Variants in SLC13A3 observed in about 807,000 individuals in gnomAD.
The protein encoded by SLC13A3 is solute carrier family 13 member 3.
A neutral mutation model predicts 59.0 loss-of-function variants in SLC13A3; 40 were observed. The ratio of observed to expected loss-of-function variants is 0.68; its 90% confidence interval spans 0.53 to 0.88. The LOEUF is 0.88. SLC13A3 is among the 40% of genes least tolerant of loss of function. SLC13A3 has a pLI of 0.00. For synonymous variants in SLC13A3, 317 were observed against 330.3 expected, an observed-to-expected ratio of 0.96 and a Z score of 0.44; for missense variants, 699 against 783.2, an observed-to-expected ratio of 0.89 and a Z score of 1.28.
At chr20:46,648,406 G>C (rs529500158) in intron 1 of SLC13A3, among the ~76,000 whole-genome samples, 1 of 152,276 alleles carries the variant, frequency 6.6e-6, no homozygotes, top group South Asian at 2.1e-4. Flanking sequence ...TTATATGGGA[G>C]AGGAGGCTTC....
intron 10 of SLC13A3, among the ~76,000 whole-genome samples, chr20:46,571,127 C>T (rs544101524): frequency 1.1e-4 from 16 of 152,270 alleles, no homozygotes; most frequent in African/African-American, 3.9e-4. Context: ...CTCTTGAGAA[C>T]TCACTCATTG....
chr20:46,583,341 A>G (rs761216437), intron 9 of SLC13A3: 113 of 1,217,360 alleles, frequency 9.3e-5, no homozygotes, highest in Non-Finnish European at 1.1e-4. Context: ...GGCTGTTCAA[A>G]AACAGATAGC....
At chr20:46,626,137 CTG>C (rs2062668612) in intron 1 of SLC13A3, among the ~76,000 whole-genome samples, 1 of 151,442 alleles carries the variant, frequency 6.6e-6, no homozygotes, top group Non-Finnish European at 1.5e-5. Flanking sequence ...CTCTCTCTCT[CTG>C]TCTCTCTGTC....
At chr20:46,629,270 C>T (rs2062711794) in intron 1 of SLC13A3, among the ~76,000 whole-genome samples, 1 of 152,096 alleles carries the variant, frequency 6.6e-6, no homozygotes, top group African/African-American at 2.4e-5. Flanking sequence ...AATTTGAGTC[C>T]AGCCTGATTT....
At chr20:46,651,270 C>T (rs1249361980) in intron 1 of SLC13A3, 41 bp downstream of exon 1, 4 of 1,456,090 alleles carry the variant, frequency 2.7e-6, no homozygotes, top group East Asian at 5.8e-5. Flanking sequence ...GAGGATCCCG[C>T]CTGTGGTTGA....
intron 10 of SLC13A3, among the ~76,000 whole-genome samples, chr20:46,568,783 G>C (rs148203812): frequency 9.2e-5 from 14 of 152,196 alleles, no homozygotes; most frequent in Non-Finnish European, 1.2e-4. Flanking sequence ...TTAATGACTC[G>C]GGCAAGTGAG....
chr20:46,594,491 G>A lies in SLC13A3; in HGVS notation c.794+1666C>T, dbSNP rs3091684. 8.2e-3 allele frequency among the ~76,000 whole-genome samples: 1,247 copies of A among 152,038 alleles called. 17 individuals carry two copies. The highest frequency in any genetic ancestry group is 0.028 in the African/African-American group (1,181 of 41,452). On this transcript the variant is annotated intron_variant, in intron 5 of 12. Coordinates refer to ENST00000279027, the MANE Select transcript of SLC13A3 (RefSeq NM_022829.6). ...CCACATCTTCCTGTCCAGCCCTGGG[G>A]ATGGGTCCTGGCAAACCCTCATACC...
chr20:46,615,974 G>T (rs2062550208), intron 1 of SLC13A3, among the ~76,000 whole-genome samples: 1 of 152,072 alleles, frequency 6.6e-6, no homozygotes, highest in African/African-American at 2.4e-5. Flanking sequence ...ATTTCCTGGG[G>T]GCCAGAGAAG....
intron 1 of SLC13A3, among the ~76,000 whole-genome samples, chr20:46,635,352 C>T (rs1872048962): frequency 1.3e-5 from 2 of 152,084 alleles, no homozygotes; most frequent in South Asian, 4.1e-4. Context: ...CAAGAGAAAC[C>T]CTCTACCGAG....
chr20:46,606,635 T>C (rs2122728540), intron 3 of SLC13A3, among the ~76,000 whole-genome samples: 1 of 152,268 alleles, frequency 6.6e-6, no homozygotes, highest in Admixed American at 6.5e-5. Context: ...GCCTGGGAGT[T>C]TGAGGCTGCA....
At chr20:46,660,233 G>A (rs532548906) in intron 1 of SLC13A3, among the ~76,000 whole-genome samples, 1 of 151,956 alleles carries the variant, frequency 6.6e-6, no homozygotes, top group Non-Finnish European at 1.5e-5. Flanking sequence ...TCTCTTTCAG[G>A]TGCTAGCATT....
At chr20:46,603,248 G>A (rs888940113) in intron 3 of SLC13A3, among the ~76,000 whole-genome samples, 1 of 151,932 alleles carries the variant, frequency 6.6e-6, no homozygotes, top group African/African-American at 2.4e-5. Flanking sequence ...AAGCCAGATA[G>A]TAAACATTTT....
chr20:46,592,043 C>CA (rs1285269128), intron 6 of SLC13A3, among the ~76,000 whole-genome samples: 1 of 151,460 alleles, frequency 6.6e-6, no homozygotes, highest in Non-Finnish European at 1.5e-5. Flanking sequence ...TCTGTCTCTA[C>CA]AAAAAATTAA....
intron 1 of SLC13A3, among the ~76,000 whole-genome samples, chr20:46,643,147 CA>C (rs11475398): frequency 0.32 from 45,469 of 143,412 alleles, 10,159 homozygotes; most frequent in African/African-American, 0.63. Flanking sequence ...GTAAGCAGGA[CA>C]AAAAAAAAAA....
intron 10 of SLC13A3, among the ~76,000 whole-genome samples, chr20:46,572,277 C>T (rs560501302): frequency 3.3e-5 from 5 of 152,198 alleles, no homozygotes; most frequent in Admixed American, 6.5e-5. Flanking sequence ...CAGGATGTGC[C>T]ATAAGCATTC....
At chr20:46,644,236 G>C (rs748603068) in intron 1 of SLC13A3, among the ~76,000 whole-genome samples, 2 of 152,104 alleles carry the variant, frequency 1.3e-5, no homozygotes, top group African/African-American at 2.4e-5. Context: ...GATGGCAACT[G>C]TAATATTAAT....
intron 1 of SLC13A3, among the ~76,000 whole-genome samples, chr20:46,660,720 C>G (rs899575724): frequency 6.6e-6 from 1 of 152,150 alleles, no homozygotes; most frequent in Admixed American, 6.5e-5. Flanking sequence ...TCTTCAAATA[C>G]CTCTTTTGCC....
rs2062163586 is a variant in SLC13A3, at chr20:46,583,811, G to C, written c.1122-142C>G. On this transcript the variant is annotated intron_variant, in intron 8 of 12. Coordinates refer to ENST00000279027, the MANE Select transcript of SLC13A3 (RefSeq NM_022829.6). ...GTTGGAGGCTGGGCCACTGGATTCT[G>C]TCCTTCAGTGCGCTCAGCATGGTGC... is the stretch of plus-strand genomic sequence containing the variant. 11 of 1,477,418 alleles carry C rather than the reference G, an allele frequency of 7.4e-6. No individual in the cohort carries two copies. The South Asian group carries it at 1.2e-4, about 17-fold the overall frequency. 91.5% of individuals were successfully genotyped at this position (1,477,418 alleles called of 1,614,324 possible).
chr20:46,597,071 A>G (rs1007457486), intron 4 of SLC13A3, among the ~76,000 whole-genome samples: 2 of 151,878 alleles, frequency 1.3e-5, no homozygotes, highest in East Asian at 1.9e-4. Context: ...ATTAATAAGT[A>G]ATAAATAAAA....
Sources: gnomAD v4.1 joint callset for allele counts (sites outside exome capture counted in the v4.1 genomes callset) on GRCh38, gnomAD v4.1.1 for gene constraint, MANE v1.5 for transcripts, NCBI Gene and HGNC (gene_info 2026-07-23, HGNC 2026-07-21) for gene names.